PRKCH: variants seen among roughly 807,000 people sequenced by gnomAD.
PRKCH encodes protein kinase C eta, also known as protein kinase C eta type.
A neutral mutation model predicts 82.5 loss-of-function variants in PRKCH; 28 were observed. The ratio of observed to expected loss-of-function variants is 0.34; its 90% CI spans 0.25 to 0.47. PRKCH has a LOEUF of 0.47. Ranked by LOEUF, PRKCH falls within the 20% of genes least tolerant of loss-of-function variation. The probability of loss-of-function intolerance (pLI) is 1.00; values close to 1 mark genes in which losing one functional copy is unlikely to be tolerated. For synonymous variants in PRKCH, 322 were observed against 327.4 expected (o/e 0.98, Z 0.18); for missense variants, 705 against 881.8 (o/e 0.80, Z 2.54).
At chr14:61,253,969 TCCCTCCC>T (rs1414871894) in intron 1 of PRKCH, among the ~76,000 whole-genome samples, 1 of 129,902 alleles carries the variant, frequency 7.7e-6, no homozygotes, top group African/African-American at 3.0e-5. Flanking sequence ...CCTTCTTCCC[TCCCTCCC>T]TCCTCCCTCC....
intron 1 of PRKCH, among the ~76,000 whole-genome samples, chr14:61,366,910 G>C (rs1389108618): frequency 6.6e-6 from 1 of 151,976 alleles, no homozygotes; most frequent in Non-Finnish European, 1.5e-5. Context: ...TCTCTGTCTA[G>C]GGATGTGGCT....
chr14:61,503,754 G>A lies in PRKCH; in HGVS notation c.1433+18098G>A, dbSNP rs1489222483. Among the ~76,000 whole-genome samples, 3 of 152,108 alleles carry A rather than the reference G, an allele frequency of 2.0e-5. No individual in the cohort carries two copies. In the East Asian group the frequency reaches 5.8e-4, roughly 29 times the overall value. On this transcript the variant is annotated intron_variant, in intron 10 of 13. Transcript: ENST00000332981. ...CTTTACCTCTGAAGCATGTCTCAGGGGCAGCTGTGCTTTGTGCCATGTATT... is the reference window on the plus strand; with the variant it reads ...CTTTACCTCTGAAGCATGTCTCAGGAGCAGCTGTGCTTTGTGCCATGTATT...
In PRKCH at chr14:61,433,043, C is replaced by A. The variant is rs1415887774; in HGVS notation, c.428-10068C>A. 1.1e-3 allele frequency among the ~76,000 whole-genome samples: 122 copies of A among 110,952 alleles called. 2 individuals are homozygous for A. Among genetic ancestry groups the A allele is most frequent in the African/African-American group, 4.1e-3 (111 of 26,876 alleles). 72.8% of individuals were successfully genotyped at this position (110,952 alleles called of 152,430 possible). A position where few individuals can be genotyped will look rare whatever the true frequency, so the allele number is the denominator to read the frequency against. On this transcript the variant is annotated intron_variant, in intron 2 of 13. Transcript: ENST00000332981. ...CCCTCCCCTCACCCCCCAACCTCTT[C>A]AAAAAAAAAAAAAAAAAACTATCAA...
At chr14:61,341,327 C>G (rs988077262) in intron 1 of PRKCH, among the ~76,000 whole-genome samples, 1 of 152,190 alleles carries the variant, frequency 6.6e-6, no homozygotes, top group Non-Finnish European at 1.5e-5. Flanking sequence ...AAGGAAGATA[C>G]TCCTTTGTAA....
chr14:61,480,174 T>G (rs1885908733), intron 9 of PRKCH, among the ~76,000 whole-genome samples: 2 of 152,206 alleles, frequency 1.3e-5, no homozygotes, highest in Admixed American at 1.3e-4. Flanking sequence ...AATGGTTCTA[T>G]GCACAGGTTT....
intron 1 of PRKCH, among the ~76,000 whole-genome samples, chr14:61,226,247 T>C (rs2044695561): frequency 6.6e-6 from 1 of 152,190 alleles, no homozygotes; most frequent in African/African-American, 2.4e-5. Context: ...TTAAAGAGCA[T>C]GAAAAATATT....
chr14:61,329,624 A>T (rs970052955), intron 1 of PRKCH, among the ~76,000 whole-genome samples: 2 of 152,054 alleles, frequency 1.3e-5, no homozygotes, highest in African/African-American at 4.8e-5. Flanking sequence ...ATTTCCCCAA[A>T]TTACAATGAG....
At chr14:61,398,728 C>T (rs915339368) in intron 2 of PRKCH, among the ~76,000 whole-genome samples, 2 of 152,132 alleles carry the variant, frequency 1.3e-5, no homozygotes, top group Admixed American at 6.5e-5. Flanking sequence ...TTTTAAGTTA[C>T]ACCATGGGAT....
At chr14:61,529,343 C>G (rs1162796087) in intron 11 of PRKCH, 130 bp downstream of exon 11, 2 of 1,072,498 alleles carry the variant, frequency 1.9e-6, no homozygotes, top group Non-Finnish European at 2.5e-6. Flanking sequence ...GCCGACACCT[C>G]TAGACTCATT....
At chr14:61,495,980 C>T (rs369848148) in intron 10 of PRKCH, among the ~76,000 whole-genome samples, 35 of 152,204 alleles carry the variant, frequency 2.3e-4, no homozygotes, top group African/African-American at 8.2e-4. Context: ...AGCAGATGAA[C>T]AAAGACCTAA....
chr14:61,191,137 CA>C (rs1222340814), intron 1 of PRKCH, among the ~76,000 whole-genome samples: 4 of 152,092 alleles, frequency 2.6e-5, no homozygotes, highest in Non-Finnish European at 5.9e-5. Context: ...TAATTCTGCA[CA>C]AAAGAGAGAA....
At chr14:61,449,900 C>CTGTG (rs57980810) in intron 5 of PRKCH, among the ~76,000 whole-genome samples, 7 of 36,894 alleles carry the variant, frequency 1.9e-4, no homozygotes, top group African/African-American at 3.1e-4. Context: ...CTCTCTCTCT[C>CTGTG]TGTGTGTGTG....
At chr14:61,395,023 T>G (rs1418206068) in intron 2 of PRKCH, among the ~76,000 whole-genome samples, 1 of 152,198 alleles carries the variant, frequency 6.6e-6, no homozygotes, top group African/African-American at 2.4e-5. Flanking sequence ...TTTGCATATT[T>G]TAAAAGATGC....
chr14:61,381,074 AAAGTTC>A (rs1379025009), intron 1 of PRKCH, among the ~76,000 whole-genome samples: 1 of 152,206 alleles, frequency 6.6e-6, no homozygotes, highest in Non-Finnish European at 1.5e-5. Context: ...TGCCCTGTAC[AAAGTTC>A]AGAAACTGTT....
chr14:61,203,163 G>A (rs1037959220), intron 1 of PRKCH, among the ~76,000 whole-genome samples: 6 of 152,182 alleles, frequency 3.9e-5, no homozygotes, highest in Non-Finnish European at 7.3e-5. Flanking sequence ...GATAATAGTA[G>A]CATGAGTGGT....
intron 10 of PRKCH, among the ~76,000 whole-genome samples, chr14:61,495,883 C>T (rs1164100526): frequency 6.6e-6 from 1 of 152,136 alleles, no homozygotes; most frequent in African/African-American, 2.4e-5. Context: ...GGATAAAAAA[C>T]TTGGTAGGAG....
intron 1 of PRKCH, among the ~76,000 whole-genome samples, chr14:61,301,738 G>A (rs1350101785): frequency 6.6e-6 from 1 of 152,230 alleles, no homozygotes; most frequent in Non-Finnish European, 1.5e-5. Context: ...CTACTCAGGA[G>A]GCTGAGGTGG....
intron 1 of PRKCH, among the ~76,000 whole-genome samples, chr14:61,239,167 A>C (rs2044814310): frequency 6.6e-6 from 1 of 152,192 alleles, no homozygotes; most frequent in Non-Finnish European, 1.5e-5. Context: ...TGGATATTGC[A>C]TCAACCCAAA....
chr14:61,539,305 T>G (rs1265709836), intron 12 of PRKCH, among the ~76,000 whole-genome samples: 1 of 152,144 alleles, frequency 6.6e-6, no homozygotes, highest in South Asian at 2.1e-4. Flanking sequence ...AGTATGTGCT[T>G]ATGAAGGGCT....
Sources: allele counts gnomAD v4.1 joint callset (sites outside exome capture counted in the v4.1 genomes callset), GRCh38; gene constraint gnomAD v4.1.1; transcripts MANE v1.5; gene names NCBI Gene and HGNC (gene_info 2026-07-23, HGNC 2026-07-21).